The following SHOC2 variants were observed in gnomAD, a reference collection of about 807,000 sequenced individuals.
The protein encoded by SHOC2 is leucine-rich repeat protein SHOC-2.
In SHOC2, 4 loss-of-function variants were observed where a neutral mutation model predicts 50.2. That is an observed-to-expected ratio of 0.08 (90% CI 0.04 to 0.18). SHOC2 has a LOEUF of 0.18. Ranked by LOEUF, SHOC2 falls within the 10% of genes least tolerant of loss-of-function variation. The pLI, the probability that SHOC2 is intolerant of heterozygous loss-of-function variation, is 1.00. For synonymous variants in SHOC2, 218 were observed against 244.5 expected, an observed-to-expected ratio of 0.89 and a Z score of 1.01; for missense variants, 388 against 669.6, an observed-to-expected ratio of 0.58 and a Z score of 4.64.
At position 110,919,609 on chromosome 10, in the gene SHOC2, G is replaced by T; in HGVS notation, c.-283G>T. 1 of 398,564 alleles carries T rather than the reference G, an allele frequency of 2.5e-6. No homozygotes were observed. The highest frequency in any genetic ancestry group is 4.4e-6 in the Non-Finnish European group (1 of 226,326). 24.7% of individuals were successfully genotyped at this position (398,564 alleles called of 1,614,324 possible). Reference sequence around the variant, plus strand: ...TCGCTTCTTAGGAGGAGGAGGAAGAGGAGGAAGGAGGGCGAGCGAGGAGGA... The same window carrying T: ...TCGCTTCTTAGGAGGAGGAGGAAGATGAGGAAGGAGGGCGAGCGAGGAGGA... On this transcript the variant is annotated 5_prime_UTR_variant, in exon 1 of 9. It adds an upstream start codon to the 5' untranslated region. Coordinates refer to ENST00000369452, the MANE Select transcript of SHOC2 (RefSeq NM_007373.4).
At position 111,002,512 on chromosome 10, in the gene SHOC2, C is replaced by A. The variant is rs185748853; in HGVS notation, c.972+1967C>A. Reference sequence around the variant, plus strand: ...ATAGAAAAGGAACTAATAATTTGAACCACATATTCCCAAGGCTTGAGTCTA... The same window carrying A: ...ATAGAAAAGGAACTAATAATTTGAAACACATATTCCCAAGGCTTGAGTCTA... On this transcript the variant is annotated intron_variant, in intron 4 of 8. Coordinates refer to ENST00000369452, the MANE Select transcript of SHOC2 (RefSeq NM_007373.4). Among the ~76,000 whole-genome samples the A allele has an allele frequency of 2.7e-3, 410 of 152,174 alleles. 1 individual carries two copies. Among genetic ancestry groups the A allele is most frequent in the Non-Finnish European group, 4.8e-3 (329 of 67,988 alleles).
At chr10:111,004,559 G>A (rs1848435071) in intron 4 of SHOC2, 47 bp from the exon 5 acceptor site, 1 of 1,376,382 alleles carries the variant, frequency 7.3e-7, no homozygotes, top group Non-Finnish European at 1.0e-6. Flanking sequence ...TAAAAAATGA[G>A]TCTCATCACA....
At chr10:110,948,065 A>C (rs1400792405) in intron 1 of SHOC2, among the ~76,000 whole-genome samples, 2 of 152,194 alleles carry the variant, frequency 1.3e-5, no homozygotes, top group African/African-American at 4.8e-5. Flanking sequence ...CCAGAAGAGA[A>C]TGGGGTGGCT....
intron 1 of SHOC2, among the ~76,000 whole-genome samples, chr10:110,945,034 C>A (rs980123580): frequency 6.6e-6 from 1 of 152,212 alleles, no homozygotes; most frequent in Admixed American, 6.5e-5. Context: ...CTTCTAGATT[C>A]CCAGTAATAT....
In SHOC2 at chr10:111,009,504, T is replaced by G. The variant is rs895884881; in HGVS notation, c.1422+119T>G. 18 of 950,274 alleles carry G rather than the reference T, an allele frequency of 1.9e-5. 1 individual carries two copies. The South Asian group carries it at 2.5e-4, about 13-fold the overall frequency. 58.9% of individuals were successfully genotyped at this position (950,274 alleles called of 1,614,324 possible). On this transcript the variant is annotated intron_variant, in intron 7 of 8. Coordinates refer to ENST00000369452, the MANE Select transcript of SHOC2 (RefSeq NM_007373.4). ...CAGATAGACTTTCCTATTCTAGTAT[T>G]AGGGCTGAGTTTTATGTTCATATAA...
chr10:110,920,546 C>T (rs760732581), intron 1 of SHOC2, among the ~76,000 whole-genome samples: 2 of 151,954 alleles, frequency 1.3e-5, no homozygotes, highest in Non-Finnish European at 2.9e-5. Context: ...TCTTTTCTTC[C>T]TTCCTTTCTT....
In SHOC2 at chr10:110,960,726, A is replaced by G. The variant is rs535402711; in HGVS notation, c.-234-3399A>G. 1.1e-3 allele frequency among the ~76,000 whole-genome samples: 175 copies of G among 152,336 alleles called. 1 individual carries two copies. The highest frequency in any genetic ancestry group is 3.8e-3 in the African/African-American group (160 of 41,564). On this transcript the variant is annotated intron_variant, in intron 1 of 8. Coordinates refer to ENST00000369452, the MANE Select transcript of SHOC2 (RefSeq NM_007373.4). ...AATCTCTCTCTGTCGCCCAGGCTAGAGTGCAGTGGCACAATCTCAGCTCAC... is the reference window on the plus strand; with the variant it reads ...AATCTCTCTCTGTCGCCCAGGCTAGGGTGCAGTGGCACAATCTCAGCTCAC...
At chr10:110,925,791 C>A (rs1393863715) in intron 1 of SHOC2, among the ~76,000 whole-genome samples, 1 of 152,128 alleles carries the variant, frequency 6.6e-6, no homozygotes, top group African/African-American at 2.4e-5. Flanking sequence ...TCTTCCAGGG[C>A]GTATCATGTG....
rs573368932 is a variant in SHOC2, at chr10:110,990,784, A to G, written c.841+5019A>G. Among the ~76,000 whole-genome samples the G allele has an allele frequency of 2.6e-5, 4 of 152,268 alleles. No individual in the cohort carries two copies. In the East Asian group the frequency reaches 7.7e-4, roughly 29 times the overall value. ...AAAACAAAAAACAAAAAAAAACACA[A>G]CAAAATGTTGCTTTACTCTACTGCA... is the stretch of plus-strand genomic sequence containing the variant. On this transcript the variant is annotated intron_variant, in intron 3 of 8. Transcript: ENST00000369452.
intron 1 of SHOC2, among the ~76,000 whole-genome samples, chr10:110,943,257 CT>C (rs544078658): frequency 0.065 from 9,338 of 143,060 alleles, 388 homozygotes; most frequent in African/African-American, 0.12. Flanking sequence ...TTTCTTTATT[CT>C]TTTTTTTTTT....
chr10:110,930,591 TAATTA>T (rs1398738200), intron 1 of SHOC2, among the ~76,000 whole-genome samples: 1 of 152,144 alleles, frequency 6.6e-6, no homozygotes, highest in Non-Finnish European at 1.5e-5. Flanking sequence ...TTTACACTGG[TAATTA>T]AATAGCCTTT....
chr10:110,961,058 T>C (rs1295312954), intron 1 of SHOC2, among the ~76,000 whole-genome samples: 1 of 152,162 alleles, frequency 6.6e-6, no homozygotes, highest in Non-Finnish European at 1.5e-5. Flanking sequence ...TCATATGCGG[T>C]AGTTATTAGG....
intron 1 of SHOC2, among the ~76,000 whole-genome samples, chr10:110,933,341 T>C (rs763262660): frequency 1.3e-5 from 2 of 152,216 alleles, no homozygotes; most frequent in South Asian, 4.1e-4. Flanking sequence ...TATGTTCTTC[T>C]AGACTTTGAA....
At chr10:110,996,271 G>C (rs1223601014) in intron 3 of SHOC2, among the ~76,000 whole-genome samples, 1 of 152,176 alleles carries the variant, frequency 6.6e-6, no homozygotes, top group African/African-American at 2.4e-5. Flanking sequence ...GCTCACGCCT[G>C]TAATCCCAGC....
chr10:110,929,614 T>TGAA (rs1188751343), intron 1 of SHOC2, among the ~76,000 whole-genome samples: 2 of 152,224 alleles, frequency 1.3e-5, no homozygotes, highest in Non-Finnish European at 1.5e-5. Context: ...TCAGGGCGAA[T>TGAA]GAAGAGTCTC....
chr10:110,949,901 A>T (rs541725462), intron 1 of SHOC2, among the ~76,000 whole-genome samples: 22 of 152,290 alleles, frequency 1.4e-4, no homozygotes, highest in African/African-American at 5.1e-4. Context: ...AAACTCAACA[A>T]ATTAGGGATA....
At chr10:110,981,878 A>ATTTATTTATTAT (rs1564721080) in intron 2 of SHOC2, among the ~76,000 whole-genome samples, 1 of 54,068 alleles carries the variant, frequency 1.8e-5, no homozygotes, top group East Asian at 4.5e-4. Context: ...TTATTTTTTT[A>ATTTATTTATTAT]AGTTTTAGGG....
upstream of SHOC2, chr10:110,919,550 G>GGAGGGGCGGGC (rs1216120017): frequency 2.6e-6 from 1 of 389,370 alleles, no homozygotes. Context: ...GGCGAGTGGG[G>GGAGGGGCGGGC]GAGGGGCGGG....
chr10:110,928,344 T>C (rs2134072560), intron 1 of SHOC2, among the ~76,000 whole-genome samples: 1 of 152,102 alleles, frequency 6.6e-6, no homozygotes, highest in Middle Eastern at 3.4e-3. Context: ...ACCCCGTCAT[T>C]GTAGCATTGT....
Sources: gnomAD v4.1 joint callset for allele counts (sites outside exome capture counted in the v4.1 genomes callset) on GRCh38, gnomAD v4.1.1 for gene constraint, MANE v1.5 for transcripts, NCBI Gene and HGNC (gene_info 2026-07-23, HGNC 2026-07-21) for gene names.